SIGLEC10: variants seen among roughly 807,000 people sequenced by gnomAD.
SIGLEC10 encodes sialic acid binding Ig like lectin 10.
A neutral mutation model predicts 68.3 loss-of-function variants in SIGLEC10; 45 were observed. That is an observed-to-expected ratio of 0.66 (90% CI 0.52 to 0.84). The LOEUF is 0.84. Among genes scored for constraint, SIGLEC10 ranks in the 40% least tolerant of loss-of-function variants. The probability of loss-of-function intolerance (pLI) is 0.00; values close to 1 mark genes in which losing one functional copy is unlikely to be tolerated. For synonymous variants in SIGLEC10, 379 were observed against 370.8 expected, an observed-to-expected ratio of 1.02 and a Z score of -0.26; for missense variants, 789 against 883.1, an observed-to-expected ratio of 0.89 and a Z score of 1.35.
intron 5 of SIGLEC10, 64 bp from the exon 6 acceptor site, chr19:51,415,679 C>T (rs995505372): frequency 5.3e-5 from 86 of 1,611,644 alleles, no homozygotes; most frequent in Middle Eastern, 1.7e-4. Context: ...TAAAGGGAAC[C>T]ATCCTGGACA....
At position 51,411,000 on chromosome 19, in the gene SIGLEC10, G is replaced by A. The variant is rs1404326720; in HGVS notation, c.*99C>T. 4.8e-5 allele frequency: 65 copies of A among 1,350,682 alleles called. No homozygotes were observed. Among genetic ancestry groups the A allele is most frequent in the Non-Finnish European group, 6.1e-5 (60 of 986,684 alleles). 83.7% of individuals were successfully genotyped at this position (1,350,682 alleles called of 1,614,324 possible). ...AGAGAGAGAGAGAGAGAAAGAGAGA[G>A]AGAGAGGGAGAGAAGGAAACTTTGC... is the stretch of plus-strand genomic sequence containing the variant. On this transcript the variant is annotated 3_prime_UTR_variant, in exon 11 of 11. Transcript: ENST00000339313.
chr19:51,411,401 T>C, intron 10 of SIGLEC10, 30 bp from the exon 11 acceptor site: 1 of 1,610,684 alleles, frequency 6.2e-7, no homozygotes, highest in Non-Finnish European at 8.5e-7. Flanking sequence ...CCTTCATTCA[T>C]TCATTCAGCA....
rs530379475 is a variant in SIGLEC10, at chr19:51,413,638, G to A, written c.1821+74C>T. On this transcript the variant is annotated intron_variant, in intron 10 of 10. Coordinates refer to ENST00000339313, the MANE Select transcript of SIGLEC10 (RefSeq NM_033130.5). ...TCCCACCTTGATGTCGCTAAGACAAGGGGTGCAAAAGTCAGAAAGTGGGAT... is the reference window on the plus strand; with the variant it reads ...TCCCACCTTGATGTCGCTAAGACAAAGGGTGCAAAAGTCAGAAAGTGGGAT... The A allele has an allele frequency of 6.9e-6, 9 of 1,303,328 alleles. No homozygotes were observed. The African/African-American group carries it at 1.2e-4, about 17-fold the overall frequency. 80.7% of individuals were successfully genotyped at this position (1,303,328 alleles called of 1,614,324 possible). A position where few individuals can be genotyped will look rare whatever the true frequency, so the allele number is the denominator to read the frequency against.
chr19:51,411,236 T>G lies in SIGLEC10; in HGVS notation c.1957A>C (p.Thr653Pro), dbSNP rs1414519769. The change falls in exon 11 of 11, where the codon ACT (threonine) becomes CCT (proline). Residue 653 changes from threonine (T) to proline (P), a missense_variant. Physicochemically the swap from Thr to Pro is conservative, Grantham distance 38. Transcript: ENST00000339313. Reference protein sequence around the residue: ...LPSFPEPKSSTQAPESQESQE... With the variant: ...LPSFPEPKSSPQAPESQESQE... Reference sequence around the variant, plus strand: ...CTCTCCTGGGATTCTGGGGCTTGAGTGGATGATTTGGGTTCTGGGAAACTG... The same window carrying G: ...CTCTCCTGGGATTCTGGGGCTTGAGGGGATGATTTGGGTTCTGGGAAACTG... 1.2e-6 allele frequency: 2 copies of G among 1,613,840 alleles called. No individual in the cohort carries two copies. Among genetic ancestry groups the G allele is most frequent in the Non-Finnish European group, 1.7e-6 (2 of 1,179,962 alleles).
intron 10 of SIGLEC10, 34 bp downstream of exon 10, chr19:51,413,678 A>C: frequency 2.0e-5 from 32 of 1,580,208 alleles, no homozygotes; most frequent in Non-Finnish European, 2.6e-5. Context: ...GCTTTAGAGA[A>C]GAGAAAAAGT....
intron 4 of SIGLEC10, 68 bp downstream of exon 4, chr19:51,416,242 C>T (rs1244566405): frequency 1.2e-6 from 2 of 1,612,662 alleles, no homozygotes; most frequent in Non-Finnish European, 1.7e-6. Context: ...GGAGCACATC[C>T]CCTCATCCCC....
chr19:51,410,670 A>T lies in SIGLEC10; in HGVS notation c.*429T>A. The T allele has an allele frequency of 6.6e-6, 1 of 151,894 alleles. No individual in the cohort carries two copies. The highest frequency in any genetic ancestry group is 1.4e-5 in the Non-Finnish European group (1 of 70,260). The allele number at this position is 151,894 out of a possible 1,614,324, so 9.4% of individuals were successfully genotyped here. A position where few individuals can be genotyped will look rare whatever the true frequency, so the allele number is the denominator to read the frequency against. On this transcript the variant is annotated 3_prime_UTR_variant, in exon 11 of 11. Coordinates refer to ENST00000339313, the MANE Select transcript of SIGLEC10 (RefSeq NM_033130.5). ...CCATTTGGAGGATTTTTTTTTTGAG[A>T]TGGAGTCTCGCTTTGTTGCCCAGGC...
Position 51,414,306 on chromosome 19 carries a change from C to A in SIGLEC10, c.1709+116G>T. 1.3e-6 allele frequency: 1 copy of A among 799,224 alleles called. No individual in the cohort carries two copies. The highest frequency in any genetic ancestry group is 1.6e-5 in the South Asian group (1 of 63,298). 49.5% of individuals were successfully genotyped at this position (799,224 alleles called of 1,614,324 possible). A position where few individuals can be genotyped will look rare whatever the true frequency, so the allele number is the denominator to read the frequency against. ...TTATGAGAACAGTTTGCTGTTTACT[C>A]ATGTAACCTCCAGAGGTATACTGCG... On this transcript the variant is annotated intron_variant, in intron 9 of 10. Transcript: ENST00000339313. The surrounding 1 kb of genome is among the most constrained non-coding windows in gnomAD (Gnocchi z 4.1).
In SIGLEC10 at chr19:51,417,617, G is replaced by A. The variant is rs2123790397; in HGVS notation, c.-36C>T. 4 of 1,613,594 alleles carry A rather than the reference G, an allele frequency of 2.5e-6. No individual in the cohort carries two copies. Among genetic ancestry groups the A allele is most frequent in the Non-Finnish European group, 3.4e-6 (4 of 1,179,668 alleles). On this transcript the variant is annotated 5_prime_UTR_variant, in exon 1 of 11. Transcript: ENST00000339313. ...GAGGCGCAGGGCCTGCCTGAGACAG[G>A]CCTGTTCTCTGGTCGTGCTGTGAGT...
At position 51,417,526 on chromosome 19, in the gene SIGLEC10, C is replaced by A. The variant is rs778212247; in HGVS notation, c.37+19G>T. 1.2e-6 allele frequency: 2 copies of A among 1,614,118 alleles called. No individual in the cohort carries two copies. The highest frequency in any genetic ancestry group is 1.3e-5 in the African/African-American group (1 of 74,954). On this transcript the variant is annotated intron_variant, in intron 1 of 10. Coordinates refer to ENST00000339313, the MANE Select transcript of SIGLEC10 (RefSeq NM_033130.5). ...CCCTAGCTCCGCCCCAGGTCCTTTC[C>A]GGCCCTTGGCCCACTCACCGCCCAG...
Position 51,417,612 on chromosome 19 carries a change from G to A in SIGLEC10, c.-31C>T, listed in dbSNP as rs1252579434. 1 of 1,613,864 alleles carries A rather than the reference G, an allele frequency of 6.2e-7. No homozygotes were observed. The highest frequency in any genetic ancestry group is 1.1e-5 in the South Asian group (1 of 91,086). On this transcript the variant is annotated 5_prime_UTR_variant, in exon 1 of 11. Transcript: ENST00000339313. The stretch of plus-strand genomic sequence containing the variant: ...CATAGGAGGCGCAGGGCCTGCCTGA[G>A]ACAGGCCTGTTCTCTGGTCGTGCTG...
chr19:51,413,130 A>G (rs1988173436), intron 10 of SIGLEC10, among the ~76,000 whole-genome samples: 1 of 152,118 alleles, frequency 6.6e-6, no homozygotes, highest in Non-Finnish European at 1.5e-5. Flanking sequence ...TCTCTTAATA[A>G]TTTCCAGAAT....
Position 51,415,675 on chromosome 19 carries a change from G to C in SIGLEC10, c.1025-60C>G, listed in dbSNP as rs1988545425. On this transcript the variant is annotated intron_variant, in intron 5 of 10. Coordinates refer to ENST00000339313, the MANE Select transcript of SIGLEC10 (RefSeq NM_033130.5). ...CCAGGGGCTTCCCTCTGGGTAAAGGGAACCATCCTGGACACTGAGGTGGGG... is the reference window on the plus strand; with the variant it reads ...CCAGGGGCTTCCCTCTGGGTAAAGGCAACCATCCTGGACACTGAGGTGGGG... 9 of 1,613,412 alleles carry C rather than the reference G, an allele frequency of 5.6e-6. No individual in the cohort carries two copies. The South Asian group carries it at 6.6e-5, about 12-fold the overall frequency.
rs769528072 is a variant in SIGLEC10 at position 51,415,253 on chromosome 19, C to T, written c.1258G>A (p.Glu420Lys). Residue 420 changes from glutamate (E) to lysine (K), a missense_variant, in exon 7 of 11, where the codon GAA becomes AAA. Transcript: ENST00000339313. ...LELPRVQVEHEGEFTCHARHP... is the reference protein window; with the variant it reads ...LELPRVQVEHKGEFTCHARHP... ...CGAGCGTGGCAGGTGAACTCTCCTT[C>T]GTGCTCCACTTGAACCCGAGGCAGC... The T allele has an allele frequency of 1.4e-5, 23 of 1,614,108 alleles. No individual in the cohort carries two copies. The Admixed American group carries it at 1.5e-4, about 11-fold the overall frequency.
At chr19:51,412,782 T>C (rs549208992) in intron 10 of SIGLEC10, among the ~76,000 whole-genome samples, 2 of 151,862 alleles carry the variant, frequency 1.3e-5, no homozygotes, top group African/African-American at 2.4e-5. Flanking sequence ...GGCCTTTTTT[T>C]TTTTGAGACA....
In SIGLEC10 at chr19:51,414,452, G is replaced by T; in HGVS notation, c.1679C>A (p.Ala560Asp). Residue 560 changes from alanine (A) to aspartate (D), a missense_variant, in exon 9 of 11, where the codon GCT becomes GAT. Ala to Asp is a moderately radical substitution (Grantham distance 126, BLOSUM62 -2). Transcript: ENST00000339313. This position sits in a 1 kb window ranked among gnomAD's most constrained non-coding sequence, Gnocchi z 4.1. ...CAGGGCCAGGCAGAGGAAAAGAAGAGCCGTGATGCCGATTCCCAGAAACGC... is the reference window on the plus strand; with the variant it reads ...CAGGGCCAGGCAGAGGAAAAGAAGATCCGTGATGCCGATTCCCAGAAACGC... Reference protein sequence around the residue: ...NGAFLGIGITALLFLCLALII... With the variant: ...NGAFLGIGITDLLFLCLALII... 6.2e-7 allele frequency: 1 copy of T among 1,614,002 alleles called. No individual in the cohort carries two copies. The highest frequency in any genetic ancestry group is 8.5e-7 in the Non-Finnish European group (1 of 1,179,984).
At position 51,416,850 on chromosome 19, in the gene SIGLEC10, T is replaced by C; in HGVS notation, c.522A>G (p.Pro174=). The C allele has an allele frequency of 6.2e-7, 1 of 1,613,752 alleles. No individual in the cohort carries two copies. Among genetic ancestry groups the C allele is most frequent in the Middle Eastern group, 1.6e-4 (1 of 6,062 alleles). Residue 174 remains proline (P), a synonymous_variant, in exon 3 of 11, where the codon CCA becomes CCG. Transcript: ENST00000339313. ...CVFNWAFEEC[P]PPSFSWTGAA... ...CCCCCGTCCAGGAGAAAGAAGGGGGTGGACATTCCTCAAAGGCCCAGTTAA... is the reference window on the plus strand; with the variant it reads ...CCCCCGTCCAGGAGAAAGAAGGGGGCGGACATTCCTCAAAGGCCCAGTTAA...
In SIGLEC10 at chr19:51,414,672, G is replaced by C; in HGVS notation, c.1615+152C>G. On this transcript the variant is annotated intron_variant, in intron 8 of 10. Coordinates refer to ENST00000339313, the MANE Select transcript of SIGLEC10 (RefSeq NM_033130.5). The surrounding 1 kb of genome is among the most constrained non-coding windows in gnomAD (Gnocchi z 4.1). ...GAAACCCTGCCACACCCCGGCCCAG[G>C]TGTTAGGACTTCCCATTGTGTTTTC... The C allele has an allele frequency of 7.2e-7, 1 of 1,395,976 alleles. No homozygotes were observed. The highest frequency in any genetic ancestry group is 1.0e-6 in the Non-Finnish European group (1 of 995,552). The allele number at this position is 1,395,976 out of a possible 1,614,324, so 86.5% of individuals were successfully genotyped here. A position where few individuals can be genotyped will look rare whatever the true frequency, so the allele number is the denominator to read the frequency against.
chr19:51,415,647 G>C, intron 5 of SIGLEC10, 32 bp from the exon 6 acceptor site: 1 of 1,613,628 alleles, frequency 6.2e-7, no homozygotes, highest in Non-Finnish European at 8.5e-7. Flanking sequence ...GGCTCTAGAC[G>C]GACCAGGGGC....
Sources: allele counts gnomAD v4.1 joint callset (sites outside exome capture counted in the v4.1 genomes callset), GRCh38; gene constraint gnomAD v4.1.1; non-coding constraint Gnocchi (gnomAD v3.1); transcripts MANE v1.5; gene names NCBI Gene and HGNC (gene_info 2026-07-23, HGNC 2026-07-21).